STXBP5: variants seen among roughly 807,000 people sequenced by gnomAD.
STXBP5 encodes syntaxin binding protein 5, also known as syntaxin-binding protein 5.
A neutral mutation model predicts 152.4 loss-of-function variants in STXBP5; 50 were observed. The observed-to-expected ratio is 0.33, with a 90% CI of 0.26 to 0.42. The LOEUF (loss-of-function observed/expected upper bound fraction) is 0.42. Among genes scored for constraint, STXBP5 ranks in the 10% least tolerant of loss-of-function variants. The pLI, the probability that STXBP5 is intolerant of heterozygous loss-of-function variation, is 1.00. For synonymous variants in STXBP5, 492 were observed against 494.7 expected (o/e 0.99, Z 0.07); for missense variants, 1,167 against 1,388.6 (o/e 0.84, Z 2.54).
Position 147,260,504 on chromosome 6 carries a change from A to G in STXBP5, c.432-111A>G, listed in dbSNP as rs139729473. On this transcript the variant is annotated intron_variant, in intron 4 of 27. Coordinates refer to ENST00000321680, the MANE Select transcript of STXBP5 (RefSeq NM_001127715.4). Reference sequence around the variant, plus strand: ...CAATGAATAGATAAATCTGATGATTATATACCAGTTTTGCTGTTCCTGAAT... The same window carrying G: ...CAATGAATAGATAAATCTGATGATTGTATACCAGTTTTGCTGTTCCTGAAT... The G allele has an allele frequency of 1.4e-5, 16 of 1,168,368 alleles. No homozygotes were observed. In the African/African-American group the frequency reaches 1.5e-4, roughly 11 times the overall value. The allele number at this position is 1,168,368 out of a possible 1,614,324, so 72.4% of individuals were successfully genotyped here. A position where few individuals can be genotyped will look rare whatever the true frequency, so the allele number is the denominator to read the frequency against.
intron 16 of STXBP5, among the ~76,000 whole-genome samples, chr6:147,317,731 A>G (rs1385998034): frequency 1.3e-5 from 2 of 152,182 alleles, no homozygotes; most frequent in Admixed American, 1.3e-4. Context: ...ATACACACTT[A>G]TAACTGTAGT....
rs552814076 is a variant in STXBP5, at chr6:147,205,898, G to C, written c.151-73G>C. On this transcript the variant is annotated intron_variant, in intron 1 of 27. Coordinates refer to ENST00000321680, the MANE Select transcript of STXBP5 (RefSeq NM_001127715.4). ...AGTGGTAGTGGTTCTAAATTCTAAC[G>C]CCTCTATTGACTTTCTATTTTAAAA... 4 of 1,111,938 alleles carry C rather than the reference G, an allele frequency of 3.6e-6. No homozygotes were observed. The African/African-American group carries it at 6.2e-5, about 17-fold the overall frequency. 68.9% of individuals were successfully genotyped at this position (1,111,938 alleles called of 1,614,324 possible).
At position 147,315,582 on chromosome 6, in the gene STXBP5, C is replaced by T. The variant is rs774308551; in HGVS notation, c.1470C>T (p.Asp490=). ...TTGAAAAGTCAAGAAATAAAGATGA[C>T]AGGCCAAACACAGACATTGTAGATG... ...KVFEKSRNKD[D]RPNTDIVDED... Residue 490 remains aspartate, a synonymous_variant, in exon 15 of 28, where the codon GAC becomes GAT. Coordinates refer to ENST00000321680, the MANE Select transcript of STXBP5 (RefSeq NM_001127715.4). 7.4e-6 allele frequency: 12 copies of T among 1,613,660 alleles called. 1 individual carries two copies. In the Middle Eastern group the frequency reaches 1.5e-3, roughly 200 times the overall value.
intron 26 of STXBP5, among the ~76,000 whole-genome samples, chr6:147,376,304 T>A (rs78089221): frequency 0.019 from 2,899 of 152,210 alleles, 84 homozygotes; most frequent in African/African-American, 0.066. Context: ...ATTTATAGGA[T>A]AACCTGTAAA....
intron 7 of STXBP5, among the ~76,000 whole-genome samples, chr6:147,271,845 G>A (rs778727024): frequency 6.6e-6 from 1 of 152,010 alleles, no homozygotes; most frequent in Non-Finnish European, 1.5e-5. Context: ...CTGGATTTGT[G>A]TGAAGATCAA....
chr6:147,287,758 T>G (rs183103571), intron 8 of STXBP5, among the ~76,000 whole-genome samples: 26 of 152,194 alleles, frequency 1.7e-4, no homozygotes, highest in Non-Finnish European at 3.2e-4. Flanking sequence ...GCCATAGGAA[T>G]TGGTCCTTTT....
At chr6:147,287,193 C>CTTTTTTTTTTTTTTTTTTTTTTTT (rs1562463137) in intron 8 of STXBP5, among the ~76,000 whole-genome samples, 1 of 108,374 alleles carries the variant, frequency 9.2e-6, no homozygotes, top group African/African-American at 3.8e-5. Context: ...CTTAATTGTA[C>CTTTTTTTTTTTTTTTTTTTTTTTT]ATTTTTTTTT....
At chr6:147,357,589 G>A (rs947589441) in intron 22 of STXBP5, among the ~76,000 whole-genome samples, 1 of 152,104 alleles carries the variant, frequency 6.6e-6, no homozygotes, top group African/African-American at 2.4e-5. Flanking sequence ...AGATGCTGCG[G>A]GTGAGGAGAT....
chr6:147,281,201 C>T (rs1358810229), intron 8 of STXBP5, among the ~76,000 whole-genome samples: 4 of 152,028 alleles, frequency 2.6e-5, no homozygotes, highest in South Asian at 2.1e-4. Context: ...GGATTACAGG[C>T]GCCTGCCACC....
intron 3 of STXBP5, among the ~76,000 whole-genome samples, chr6:147,236,491 T>C (rs986116315): frequency 2.6e-5 from 4 of 152,168 alleles, no homozygotes; most frequent in African/African-American, 4.8e-5. Flanking sequence ...ACATTTTATA[T>C]AACAATAGTA....
rs181232918 is a variant in STXBP5, at chr6:147,325,756, C to G, written c.1928+672C>G. 1.4e-3 allele frequency among the ~76,000 whole-genome samples: 215 copies of G among 152,138 alleles called. 1 individual carries two copies. The highest frequency in any genetic ancestry group is 4.9e-3 in the African/African-American group (205 of 41,508). On this transcript the variant is annotated intron_variant, in intron 17 of 27. Transcript: ENST00000321680. ...ATTGTCTCCTTGCTTGATGCTAGCCCTAGGGACTCATTCATTTTTTTTCTT... is the reference window on the plus strand; with the variant it reads ...ATTGTCTCCTTGCTTGATGCTAGCCGTAGGGACTCATTCATTTTTTTTCTT...
chr6:147,251,510 C>T lies in STXBP5; in HGVS notation c.432-9105C>T, dbSNP rs188026351. Among the ~76,000 whole-genome samples the T allele has an allele frequency of 1.3e-3, 202 of 152,278 alleles. 3 individuals carry two copies. The highest frequency in any genetic ancestry group is 4.5e-3 in the African/African-American group (187 of 41,568). The stretch of plus-strand genomic sequence containing the variant: ...TGGTGTAGCTCAGCAGATCCCACCC[C>T]GACAGAGCCCAGCCAGACTGCCTCT... On this transcript the variant is annotated intron_variant, in intron 4 of 27. Transcript: ENST00000321680.
At chr6:147,213,446 G>A (rs1337050655) in intron 2 of STXBP5, among the ~76,000 whole-genome samples, 4 of 137,132 alleles carry the variant, frequency 2.9e-5, no homozygotes, top group Non-Finnish European at 6.1e-5. Context: ...GTGTGTGTGT[G>A]TGTGTGTGTG....
At chr6:147,380,360 A>T (rs1786022537) in intron 26 of STXBP5, among the ~76,000 whole-genome samples, 1 of 151,930 alleles carries the variant, frequency 6.6e-6, no homozygotes, top group African/African-American at 2.4e-5. Context: ...ATTTATGGTC[A>T]ATTGTTTTTT....
At chr6:147,329,883 T>C (rs1479000747) in intron 18 of STXBP5, among the ~76,000 whole-genome samples, 1 of 152,096 alleles carries the variant, frequency 6.6e-6, no homozygotes, top group African/African-American at 2.4e-5. Context: ...CGCCTCGGCC[T>C]CCCAAAGTGC....
intron 23 of STXBP5, 29 bp downstream of exon 23, chr6:147,359,352 C>T (rs749606750): frequency 6.3e-7 from 1 of 1,597,740 alleles, no homozygotes; most frequent in East Asian, 2.2e-5. Context: ...CTTAGAGTTA[C>T]ATTACAGGTG....
chr6:147,259,075 G>T (rs1022640467), intron 4 of STXBP5, among the ~76,000 whole-genome samples: 1 of 151,942 alleles, frequency 6.6e-6, no homozygotes, highest in Non-Finnish European at 1.5e-5. Context: ...TTTAAGTTTG[G>T]TGGTGCTTTG....
At chr6:147,291,054 C>T (rs747967663) in intron 8 of STXBP5, 40 bp from the exon 9 acceptor site, 11 of 1,480,360 alleles carry the variant, frequency 7.4e-6, no homozygotes, top group Middle Eastern at 1.8e-4. Context: ...TGTAGAGTAA[C>T]TTAGAATTTT....
chr6:147,359,191 C>A lies in STXBP5; in HGVS notation c.2413C>A (p.Arg805=), dbSNP rs35159107. The A allele has an allele frequency of 1.4e-3, 2,183 of 1,614,002 alleles. 26 individuals are homozygous for A. The African/African-American group carries it at 0.026, about 19-fold the overall frequency. ...TCTTCATTTCTGTGAAACGTTTACT[C>A]GAAAGACGGACTCGTCCCCTTCCCC... ...SALHFCETFT[R]KTDSSPSPCL... The change falls in exon 23 of 28, where the codon CGA becomes AGA. Residue 805 remains arginine, a synonymous_variant. Transcript: ENST00000321680.
Sources: gnomAD v4.1 joint callset for allele counts (sites outside exome capture counted in the v4.1 genomes callset) on GRCh38, gnomAD v4.1.1 for gene constraint, MANE v1.5 for transcripts, NCBI Gene and HGNC (gene_info 2026-07-23, HGNC 2026-07-21) for gene names.